PRKCQ: variants seen among roughly 807,000 people sequenced by gnomAD.
The protein encoded by PRKCQ is protein kinase C theta type.
A neutral mutation model predicts 91.2 loss-of-function variants in PRKCQ; 41 were observed. The observed-to-expected ratio is 0.45, with a 90% confidence interval of 0.35 to 0.58. The LOEUF is 0.58. Among genes scored for constraint, PRKCQ ranks in the 20% least tolerant of loss-of-function variants. The probability of loss-of-function intolerance (pLI) is 0.00; values close to 1 mark genes in which losing one functional copy is unlikely to be tolerated. For synonymous variants in PRKCQ, 307 were observed against 316.9 expected (o/e 0.97, Z 0.33); for missense variants, 673 against 896.5 (o/e 0.75, Z 3.18).
intron 11 of PRKCQ, among the ~76,000 whole-genome samples, chr10:6,481,384 T>C (rs1030928808): frequency 5.3e-5 from 8 of 152,264 alleles, no homozygotes; most frequent in Non-Finnish European, 8.8e-5. Context: ...AAAGACAATT[T>C]CCATCTATAT....
At chr10:6,400,631 GAA>G in the PRKCQ span, among the ~76,000 whole-genome samples, 188 of 136,278 alleles carry the variant, frequency 1.4e-3, no homozygotes, top group Middle Eastern at 3.6e-3. Context: ...CTTCCTTTCA[GAA>G]AAAAAAAAAA....
the PRKCQ span, among the ~76,000 whole-genome samples, chr10:6,401,356 C>A: frequency 6.6e-6 from 1 of 152,168 alleles, no homozygotes; most frequent in Non-Finnish European, 1.5e-5. Context: ...CTCAAATAAA[C>A]CCCATACTTC....
At chr10:6,439,123 AT>A (rs1833843297) in intron 16 of PRKCQ, among the ~76,000 whole-genome samples, 1 of 152,218 alleles carries the variant, frequency 6.6e-6, no homozygotes, top group Non-Finnish European at 1.5e-5. Flanking sequence ...ATCTTTCTTG[AT>A]GGCTCTCAGG....
chr10:6,526,539 G>A (rs538332710), intron 1 of PRKCQ, among the ~76,000 whole-genome samples: 7 of 152,282 alleles, frequency 4.6e-5, no homozygotes, highest in African/African-American at 1.4e-4. Context: ...GTGAAATGAC[G>A]TTGAGTAAAG....
chr10:6,503,727 T>C (rs1430752355), intron 4 of PRKCQ, among the ~76,000 whole-genome samples: 1 of 152,212 alleles, frequency 6.6e-6, no homozygotes, highest in Non-Finnish European at 1.5e-5. Context: ...TTTTAAGAGA[T>C]ATTCTCAACA....
At chr10:6,404,217 TAGAG>T in the PRKCQ span, among the ~76,000 whole-genome samples, 21 of 98,274 alleles carry the variant, frequency 2.1e-4, no homozygotes, top group South Asian at 6.3e-3. Context: ...AAGAAAAAAC[TAGAG>T]AGAGAGAGAG....
intron 16 of PRKCQ, among the ~76,000 whole-genome samples, chr10:6,438,805 AG>A (rs1197409139): frequency 1.3e-5 from 2 of 152,156 alleles, no homozygotes; most frequent in Non-Finnish European, 2.9e-5. Context: ...TATGTTGCCC[AG>A]GCTGGTCTTG....
chr10:6,503,852 C>A (rs1838045638), intron 4 of PRKCQ, among the ~76,000 whole-genome samples: 1 of 152,176 alleles, frequency 6.6e-6, no homozygotes, highest in South Asian at 2.1e-4. Flanking sequence ...TCTTGGCTCA[C>A]TTTATCTTTG....
chr10:6,548,885 T>C (rs1454552975), intron 1 of PRKCQ, among the ~76,000 whole-genome samples: 1 of 152,068 alleles, frequency 6.6e-6, no homozygotes, highest in East Asian at 1.9e-4. Flanking sequence ...AGTATAATAA[T>C]AATAAAATAA....
chr10:6,538,454 G>A lies in PRKCQ; in HGVS notation c.-9-23310C>T, dbSNP rs151084042. Among the ~76,000 whole-genome samples, 12 of 152,360 alleles carry A rather than the reference G, an allele frequency of 7.9e-5. No homozygotes were observed. In the South Asian group the frequency reaches 1.7e-3, roughly 21 times the overall value. ...AAGCTGTTCCATTGGGAAATGTCAC[G>A]ACAAAAGCTGCATTTCAAATCTATC... On this transcript the variant is annotated intron_variant, in intron 1 of 17. Coordinates refer to ENST00000263125, the MANE Select transcript of PRKCQ (RefSeq NM_006257.5).
chr10:6,565,615 A>G (rs908345064), intron 1 of PRKCQ, among the ~76,000 whole-genome samples: 16 of 152,130 alleles, frequency 1.1e-4, no homozygotes, highest in Admixed American at 6.5e-4. Flanking sequence ...TCTTCTTGTG[A>G]TGCTTTTCTC....
intron 1 of PRKCQ, among the ~76,000 whole-genome samples, chr10:6,554,329 A>C (rs978592169): frequency 1.3e-5 from 2 of 152,254 alleles, no homozygotes; most frequent in Non-Finnish European, 2.9e-5. Flanking sequence ...ATGGGGGTCC[A>C]AACTGGGAAT....
intron 1 of PRKCQ, among the ~76,000 whole-genome samples, chr10:6,545,108 T>C (rs1165676419): frequency 6.6e-6 from 1 of 152,206 alleles, no homozygotes; most frequent in Non-Finnish European, 1.5e-5. Context: ...GATTATCCAA[T>C]TCAGTTAAAA....
intron 15 of PRKCQ, among the ~76,000 whole-genome samples, chr10:6,442,875 T>C (rs554378589): frequency 6.6e-6 from 1 of 152,160 alleles, no homozygotes; most frequent in South Asian, 2.1e-4. Flanking sequence ...GGCAGGAGAA[T>C]CGCTTGAACC....
intron 16 of PRKCQ, among the ~76,000 whole-genome samples, chr10:6,441,335 T>C (rs1303280690): frequency 2.0e-5 from 3 of 152,174 alleles, no homozygotes; most frequent in African/African-American, 7.2e-5. Context: ...AGAGACCGTG[T>C]TTCTCCATGT....
At chr10:6,428,477 G>A (rs1280464605) in intron 17 of PRKCQ, 115 bp from the exon 18 acceptor site, 1 of 1,190,628 alleles carries the variant, frequency 8.4e-7, no homozygotes, top group Non-Finnish European at 1.2e-6. Context: ...GGTGTTTGCA[G>A]AGACACTAAA....
chr10:6,404,459 CTTCCTTTT>C, the PRKCQ span, among the ~76,000 whole-genome samples: 4 of 144,264 alleles, frequency 2.8e-5, no homozygotes, highest in Non-Finnish European at 4.6e-5. Context: ...TCCTTTCTTC[CTTCCTTTT>C]TTCCTTTTTT....
At chr10:6,408,689 T>G in the PRKCQ span, among the ~76,000 whole-genome samples, 2 of 152,244 alleles carry the variant, frequency 1.3e-5, no homozygotes, top group East Asian at 1.9e-4. Context: ...TATTCTGTTC[T>G]TCATGTGATA....
intron 1 of PRKCQ, among the ~76,000 whole-genome samples, chr10:6,572,347 C>A (rs1224801306): frequency 6.6e-6 from 1 of 152,164 alleles, no homozygotes; most frequent in Non-Finnish European, 1.5e-5. Flanking sequence ...TTAAGCCCCA[C>A]ATGCATTAGC....
Sources: gnomAD v4.1 joint callset for allele counts (sites outside exome capture counted in the v4.1 genomes callset) on GRCh38, gnomAD v4.1.1 for gene constraint, MANE v1.5 for transcripts, NCBI Gene and HGNC (gene_info 2026-07-23, HGNC 2026-07-21) for gene names.